Variants in SCYL2 observed in about 807,000 individuals in gnomAD.
SCYL2 encodes the protein SCY1-like protein 2.
Under a neutral mutation model 100.4 loss-of-function variants are expected in SCYL2, and 36 were observed. The ratio of observed to expected loss-of-function variants is 0.36; its 90% CI spans 0.27 to 0.47. The LOEUF is 0.47. SCYL2 is among the 20% of genes least tolerant of loss of function. SCYL2 has a pLI of 1.00. For missense variants in SCYL2, 902 were observed against 1,083.9 expected (o/e 0.83, Z 2.36); for synonymous variants, 330 against 359.2 (o/e 0.92, Z 0.92).
Position 100,282,826 on chromosome 12 carries a change from A to G in SCYL2, c.-28-117A>G, listed in dbSNP as rs566315257. ...TAAAACCAACATACAACTTTCATCT[A>G]TATAGGATTATTCTGTTCACTGTTT... On this transcript the variant is annotated intron_variant, in intron 1 of 17. Transcript: ENST00000360820. 1.3e-4 allele frequency: 59 copies of G among 458,800 alleles called. 1 individual carries two copies. The South Asian group carries it at 1.8e-3, about 14-fold the overall frequency. 28.4% of individuals were successfully genotyped at this position (458,800 alleles called of 1,614,324 possible). A position where few individuals can be genotyped will look rare whatever the true frequency, so the allele number is the denominator to read the frequency against.
intron 13 of SCYL2, among the ~76,000 whole-genome samples, chr12:100,330,980 C>T (rs1220347849): frequency 6.6e-6 from 1 of 151,904 alleles, no homozygotes; most frequent in Non-Finnish European, 1.5e-5. Context: ...AGGCATGAGG[C>T]ACCATGCCTG....
intron 2 of SCYL2, among the ~76,000 whole-genome samples, chr12:100,290,214 A>G (rs1178013399): frequency 1.3e-5 from 2 of 152,158 alleles, no homozygotes. Context: ...TTGAAGGGAA[A>G]TTGACTCAAA....
At chr12:100,317,331 CCT>C (rs2096350092) in intron 9 of SCYL2, among the ~76,000 whole-genome samples, 2 of 152,276 alleles carry the variant, frequency 1.3e-5, no homozygotes, top group African/African-American at 2.4e-5. Flanking sequence ...AAGCAATTCC[CCT>C]GTTTCAGCCG....
At chr12:100,337,353 T>C in intron 16 of SCYL2, 34 bp from the exon 17 acceptor site, 1 of 1,598,974 alleles carries the variant, frequency 6.3e-7, no homozygotes, top group East Asian at 2.2e-5. Flanking sequence ...CTTAATAAAT[T>C]GCCGGTTGAT....
At chr12:100,331,591 A>T (rs192026215) in intron 13 of SCYL2, among the ~76,000 whole-genome samples, 46 of 152,138 alleles carry the variant, frequency 3.0e-4, no homozygotes, top group African/African-American at 8.9e-4. Context: ...CTGGATGACA[A>T]AGCAAGACCC....
intron 10 of SCYL2, among the ~76,000 whole-genome samples, chr12:100,319,622 CA>C (rs1291815444): frequency 6.6e-6 from 1 of 152,156 alleles, no homozygotes; most frequent in African/African-American, 2.4e-5. Flanking sequence ...TGGGTTCAAG[CA>C]GTTCTCGTGT....
At chr12:100,294,443 C>G (rs2096315309) in intron 3 of SCYL2, among the ~76,000 whole-genome samples, 1 of 85,646 alleles carries the variant, frequency 1.2e-5, no homozygotes. Flanking sequence ...CTCCTCACTT[C>G]CCAGTAGGGG....
chr12:100,294,941 C>A (rs7968449), intron 3 of SCYL2, among the ~76,000 whole-genome samples: 1 of 149,332 alleles, frequency 6.7e-6, no homozygotes, highest in Non-Finnish European at 1.5e-5. Flanking sequence ...ACTTCTCAGA[C>A]GGGGCGGTTG....
chr12:100,295,624 G>T (rs1242875257), intron 3 of SCYL2, among the ~76,000 whole-genome samples: 1 of 152,174 alleles, frequency 6.6e-6, no homozygotes, highest in Non-Finnish European at 1.5e-5. Flanking sequence ...AGGCAGGGAG[G>T]TTGCAGTGAG....
intron 16 of SCYL2, among the ~76,000 whole-genome samples, chr12:100,337,052 G>A (rs1012229077): frequency 1.6e-4 from 24 of 152,062 alleles, no homozygotes; most frequent in African/African-American, 5.6e-4. Context: ...TTCTTGGGGT[G>A]AGATAGATTA....
chr12:100,318,822 A>C (rs2096352403), intron 10 of SCYL2, among the ~76,000 whole-genome samples: 1 of 152,232 alleles, frequency 6.6e-6, no homozygotes, highest in Admixed American at 6.5e-5. Context: ...GTATAGTTAT[A>C]ACTTTTGTTC....
At chr12:100,301,345 A>G (rs564645245) in intron 4 of SCYL2, among the ~76,000 whole-genome samples, 2 of 152,114 alleles carry the variant, frequency 1.3e-5, no homozygotes, top group Non-Finnish European at 2.9e-5. Flanking sequence ...TGATCAGATT[A>G]TTAGTTTTTT....
rs116939512 is a variant in SCYL2, at chr12:100,324,594, G to C, written c.1509+956G>C. ...ATTTTAGTTCATTTCTTGGTTGAAA[G>C]GCTTTGAAATGGAAAATGTAACACC... On this transcript the variant is annotated intron_variant, in intron 11 of 17. Coordinates refer to ENST00000360820, the MANE Select transcript of SCYL2 (RefSeq NM_017988.6). Among the ~76,000 whole-genome samples the C allele has an allele frequency of 2.2e-3, 331 of 152,178 alleles. 5 individuals are homozygous for C. The East Asian group carries it at 0.037, about 17-fold the overall frequency.
chr12:100,331,406 G>A (rs913336577), intron 13 of SCYL2, among the ~76,000 whole-genome samples: 6 of 152,086 alleles, frequency 3.9e-5, no homozygotes, highest in Non-Finnish European at 5.9e-5. Context: ...TCAGGAGTTT[G>A]AGACCAGCCT....
chr12:100,338,433 T>A, intron 17 of SCYL2, 95 bp from the exon 18 acceptor site: 2 of 1,148,978 alleles, frequency 1.7e-6, no homozygotes, highest in Middle Eastern at 2.9e-4. Flanking sequence ...AGCTTAATTC[T>A]AACTTGTCCT....
In SCYL2 at chr12:100,332,200, C is replaced by T. The variant is rs75834426; in HGVS notation, c.1762-1966C>T. ...TGTGAAATGTTGCCAACCAGGGAAA[C>T]TTATTAGAGACTCAGTGTCCAGAGT... On this transcript the variant is annotated intron_variant, in intron 13 of 17. Transcript: ENST00000360820. Among the ~76,000 whole-genome samples the T allele has an allele frequency of 5.6e-3, 847 of 152,238 alleles. 8 individuals carry two copies. Among genetic ancestry groups the T allele is most frequent in the African/African-American group, 0.019 (772 of 41,550 alleles).
chr12:100,298,851 G>A (rs555903083), intron 4 of SCYL2, among the ~76,000 whole-genome samples: 140 of 152,236 alleles, frequency 9.2e-4, no homozygotes, highest in Non-Finnish European at 1.6e-3. Flanking sequence ...CAAAGTGCTG[G>A]GATTACAAGA....
intron 1 of SCYL2, among the ~76,000 whole-genome samples, chr12:100,270,043 G>A (rs1424187184): frequency 6.7e-6 from 1 of 150,062 alleles, no homozygotes; most frequent in Non-Finnish European, 1.5e-5. Flanking sequence ...CTGGAGTGCC[G>A]TGGCGCGATC....
chr12:100,335,919 A>G lies in SCYL2; in HGVS notation c.2025+13A>G, dbSNP rs1463163826. 3 of 1,596,972 alleles carry G rather than the reference A, an allele frequency of 1.9e-6. No homozygotes were observed. Among genetic ancestry groups the G allele is most frequent in the East Asian group, 4.5e-5 (2 of 44,728 alleles). On this transcript the variant is annotated intron_variant, in intron 16 of 17. Transcript: ENST00000360820. ...TAAACATAAAAGAGTGAGTTTCCTT[A>G]CTGTTCTTTCAGCCCTCTTATTTTA...
Sources: allele counts gnomAD v4.1 joint callset (sites outside exome capture counted in the v4.1 genomes callset), GRCh38; gene constraint gnomAD v4.1.1; transcripts MANE v1.5; gene names NCBI Gene and HGNC (gene_info 2026-07-23, HGNC 2026-07-21).